Variants in PDZRN4 observed in about 807,000 individuals in gnomAD.
PDZRN4 encodes the protein PDZ domain containing ring finger 4, also known as PDZ domain-containing RING finger protein 4.
PDZRN4 carries 70 observed loss-of-function variants against 99.0 expected under a neutral mutation model. That is an observed-to-expected ratio of 0.71 (90% CI 0.58 to 0.86). The LOEUF (loss-of-function observed/expected upper bound fraction) is 0.86. Ranked by LOEUF, PDZRN4 falls within the 40% of genes least tolerant of loss-of-function variation. PDZRN4 has a pLI of 0.00. For missense variants in PDZRN4, 1,474 were observed against 1,331.2 expected (o/e 1.11, Z -1.67); for synonymous variants, 551 against 501.6 (o/e 1.10, Z -1.32).
At chr12:41,372,423 G>A (rs1952048561) in intron 3 of PDZRN4, among the ~76,000 whole-genome samples, 1 of 152,182 alleles carries the variant, frequency 6.6e-6, no homozygotes, top group Admixed American at 6.5e-5. Context: ...AAGACTGGGT[G>A]ATAAATGTTG....
intron 3 of PDZRN4, among the ~76,000 whole-genome samples, chr12:41,463,200 T>C (rs138403910): frequency 1.5e-3 from 221 of 152,316 alleles, no homozygotes; most frequent in African/African-American, 4.9e-3. Flanking sequence ...TGCTCTGAAA[T>C]GTACAAATGC....
At chr12:41,508,814 G>A (rs200395058) in intron 4 of PDZRN4, among the ~76,000 whole-genome samples, 2 of 152,124 alleles carry the variant, frequency 1.3e-5, no homozygotes, top group East Asian at 3.9e-4. Context: ...ATGAGGATGG[G>A]TCTCTTGCCT....
chr12:41,195,537 AAAG>A (rs1354754391), intron 3 of PDZRN4, among the ~76,000 whole-genome samples: 1 of 152,176 alleles, frequency 6.6e-6, no homozygotes, highest in East Asian at 1.9e-4. Context: ...TTTTGGGAAA[AAAG>A]AACACAACAT....
At chr12:41,467,869 T>G (rs1022523176) in intron 3 of PDZRN4, among the ~76,000 whole-genome samples, 2 of 152,220 alleles carry the variant, frequency 1.3e-5, no homozygotes, top group Admixed American at 6.5e-5. Context: ...TGTATTCCCC[T>G]TTTTGTTGGT....
chr12:41,482,315 A>G (rs1433685236), intron 3 of PDZRN4, among the ~76,000 whole-genome samples: 1 of 152,198 alleles, frequency 6.6e-6, no homozygotes, highest in Non-Finnish European at 1.5e-5. Context: ...ACTTTGGACC[A>G]GTGTAGGATT....
chr12:41,257,659 G>A (rs1466308699), intron 3 of PDZRN4, among the ~76,000 whole-genome samples: 1 of 152,200 alleles, frequency 6.6e-6, no homozygotes, highest in Non-Finnish European at 1.5e-5. Flanking sequence ...GAGTAAAACA[G>A]GGAAGTGTGG....
chr12:41,295,894 C>G (rs1951490206), intron 3 of PDZRN4, among the ~76,000 whole-genome samples: 1 of 152,008 alleles, frequency 6.6e-6, no homozygotes. Context: ...CAGCAGTTTA[C>G]AAATGGATAA....
rs551114499 is a variant in PDZRN4 at position 41,533,250 on chromosome 12, C to A, written c.1204-19406C>A. The stretch of plus-strand genomic sequence containing the variant: ...AGGGCAGTGGTACGATCTTGGCTCA[C>A]TGCAACCTCCCCCTCCCGGATTCAA... On this transcript the variant is annotated intron_variant, in intron 5 of 9. Transcript: ENST00000402685. 3.4e-4 allele frequency among the ~76,000 whole-genome samples: 52 copies of A among 151,938 alleles called. No individual in the cohort carries two copies. In the South Asian group the frequency reaches 9.5e-3, roughly 28 times the overall value.
intron 3 of PDZRN4, among the ~76,000 whole-genome samples, chr12:41,258,110 AG>A (rs1368382933): frequency 1.3e-5 from 2 of 152,284 alleles, no homozygotes; most frequent in East Asian, 3.9e-4. Context: ...ATAACTTCTG[AG>A]GGTTACTCCA....
At chr12:41,382,455 C>T (rs987968770) in intron 3 of PDZRN4, among the ~76,000 whole-genome samples, 2 of 152,210 alleles carry the variant, frequency 1.3e-5, no homozygotes, top group African/African-American at 4.8e-5. Context: ...TTCTTTCATT[C>T]ATCCCCTCAT....
At chr12:41,335,605 T>C (rs1354638858) in intron 3 of PDZRN4, among the ~76,000 whole-genome samples, 1 of 152,120 alleles carries the variant, frequency 6.6e-6, no homozygotes, top group Admixed American at 6.6e-5. Flanking sequence ...ATAAAACATA[T>C]TTATAATGTT....
intron 9 of PDZRN4, among the ~76,000 whole-genome samples, chr12:41,569,656 T>C (rs1308656928): frequency 1.3e-5 from 2 of 152,238 alleles, no homozygotes; most frequent in Non-Finnish European, 2.9e-5. Context: ...TTTACCATGT[T>C]GAATAATGAA....
chr12:41,359,836 C>T (rs1951952585), intron 3 of PDZRN4, among the ~76,000 whole-genome samples: 1 of 151,932 alleles, frequency 6.6e-6, no homozygotes, highest in Non-Finnish European at 1.5e-5. Flanking sequence ...AGCAAGGTAC[C>T]TTATCTATTC....
In PDZRN4 at chr12:41,570,697, T is replaced by C. The variant is rs1298278578; in HGVS notation, c.1585-1667T>C. 7.9e-5 allele frequency among the ~76,000 whole-genome samples: 12 copies of C among 152,172 alleles called. 1 individual carries two copies. The highest frequency in any genetic ancestry group is 7.9e-4 in the Admixed American group (12 of 15,282). ...TTCAAATGCCCAGTATCAATAACAT[T>C]CTTTGAGAGTTATATGGTGTAGTAT... On this transcript the variant is annotated intron_variant, in intron 9 of 9. Coordinates refer to ENST00000402685, the MANE Select transcript of PDZRN4 (RefSeq NM_001164595.2).
intron 3 of PDZRN4, among the ~76,000 whole-genome samples, chr12:41,277,379 C>T (rs996032978): frequency 1.3e-5 from 2 of 152,120 alleles, no homozygotes; most frequent in African/African-American, 2.4e-5. Context: ...GAAAATAAAA[C>T]GGGCGTGAGT....
At chr12:41,456,428 A>G (rs1592066584) in intron 3 of PDZRN4, among the ~76,000 whole-genome samples, 1 of 152,216 alleles carries the variant, frequency 6.6e-6, no homozygotes. Context: ...TGACCTAAAT[A>G]AGGCAGGCAA....
intron 3 of PDZRN4, among the ~76,000 whole-genome samples, chr12:41,380,312 G>T (rs1952114680): frequency 6.6e-6 from 1 of 151,922 alleles, no homozygotes. Context: ...TCTGTCTTTT[G>T]ATTTGAGAAT....
chr12:41,205,456 C>T (rs1950842508), intron 3 of PDZRN4, among the ~76,000 whole-genome samples: 1 of 151,922 alleles, frequency 6.6e-6, no homozygotes, highest in South Asian at 2.1e-4. Flanking sequence ...AATCCAACTC[C>T]TTTGTCCACC....
At chr12:41,253,693 T>A (rs1250218915) in intron 3 of PDZRN4, among the ~76,000 whole-genome samples, 1 of 152,182 alleles carries the variant, frequency 6.6e-6, no homozygotes, top group Admixed American at 6.5e-5. Flanking sequence ...TGCACTCCCA[T>A]ATTTATCACA....
Sources: allele counts gnomAD v4.1 joint callset (sites outside exome capture counted in the v4.1 genomes callset), GRCh38; gene constraint gnomAD v4.1.1; transcripts MANE v1.5; gene names NCBI Gene and HGNC (gene_info 2026-07-23, HGNC 2026-07-21).